FNDC3B: variants seen among roughly 807,000 people sequenced by gnomAD.
FNDC3B encodes the protein fibronectin type III domain-containing protein 3B.
In FNDC3B, 12 loss-of-function variants were observed where a neutral mutation model predicts 151.5. The observed-to-expected ratio is 0.08, with a 90% CI of 0.05 to 0.13. The LOEUF is 0.13. FNDC3B is among the 10% of genes least tolerant of loss of function. FNDC3B has a pLI of 1.00. For synonymous variants in FNDC3B, 528 were observed against 549.0 expected, an observed-to-expected ratio of 0.96 and a Z score of 0.54; for missense variants, 1,214 against 1,505.3, an observed-to-expected ratio of 0.81 and a Z score of 3.20.
chr3:172,191,045 C>T (rs1278029595), intron 3 of FNDC3B, among the ~76,000 whole-genome samples: 3 of 152,194 alleles, frequency 2.0e-5, no homozygotes, highest in African/African-American at 4.8e-5. Flanking sequence ...TCTTATTTCA[C>T]ATCTAAAATC....
rs545072222 is a variant in FNDC3B, at chr3:172,398,713, C to T, written c.*1238C>T. 6.6e-6 allele frequency: 1 copy of T among 152,176 alleles called. No homozygotes were observed. Among genetic ancestry groups the T allele is most frequent in the African/African-American group, 2.4e-5 (1 of 41,434 alleles). 9.4% of individuals were successfully genotyped at this position (152,176 alleles called of 1,614,324 possible). A position where few individuals can be genotyped will look rare whatever the true frequency, so the allele number is the denominator to read the frequency against. On this transcript the variant is annotated 3_prime_UTR_variant, in exon 26 of 26. Transcript: ENST00000415807. The stretch of plus-strand genomic sequence containing the variant: ...CTTGCTGCGTGACCTGAACACGTCA[C>T]TTTACCTCTCTGTGCCTCAGTTTTC...
In FNDC3B at chr3:172,343,060, G is replaced by A; in HGVS notation, c.2021G>A (p.Cys674Tyr). The A allele has an allele frequency of 6.2e-7, 1 of 1,613,658 alleles. No individual in the cohort carries two copies. Among genetic ancestry groups the A allele is most frequent in the Non-Finnish European group, 8.5e-7 (1 of 1,179,752 alleles). Residue 674 changes from cysteine to tyrosine, a missense_variant, in exon 18 of 26, where the codon TGT (cysteine) becomes TAT (tyrosine). This residue lies in a region of FNDC3B where 380 missense variants were observed against 420.9 expected (regional missense o/e 0.90). Transcript: ENST00000415807. ...ACACTAAGCATTGCACCAGGTCAAT[G>A]TCGACCACCGAGGGTTTTGGGTAGA... ...VRTLSIAPGQ[C>Y]RPPRVLGRPK...
At chr3:172,174,949 T>C (rs1723499807) in intron 3 of FNDC3B, among the ~76,000 whole-genome samples, 1 of 17,228 alleles carries the variant, frequency 5.8e-5, no homozygotes. Flanking sequence ...CCCCCCCCAA[T>C]ACAATTTGCT....
At chr3:172,059,961 A>G (rs563927016) in intron 1 of FNDC3B, among the ~76,000 whole-genome samples, 1 of 152,372 alleles carries the variant, frequency 6.6e-6, no homozygotes, top group Non-Finnish European at 1.5e-5. Context: ...GCATCTTTAG[A>G]TCTAAATCTT....
chr3:172,217,148 A>G (rs1255691488), intron 3 of FNDC3B, among the ~76,000 whole-genome samples: 1 of 152,224 alleles, frequency 6.6e-6, no homozygotes. Context: ...CATCCTGCAC[A>G]AGGTCTGGCA....
At chr3:172,148,985 T>A (rs1156999157) in intron 3 of FNDC3B, among the ~76,000 whole-genome samples, 1 of 152,234 alleles carries the variant, frequency 6.6e-6, no homozygotes, top group Non-Finnish European at 1.5e-5. Context: ...TAGAGCAGAC[T>A]TTGAAGAAAA....
chr3:172,179,048 C>T (rs1560003802), intron 3 of FNDC3B, among the ~76,000 whole-genome samples: 1 of 152,008 alleles, frequency 6.6e-6, no homozygotes, highest in Non-Finnish European at 1.5e-5. Context: ...GCCCCTTTAT[C>T]TTATTTATTT....
At chr3:172,384,273 C>T (rs1438623725) in intron 25 of FNDC3B, among the ~76,000 whole-genome samples, 1 of 152,132 alleles carries the variant, frequency 6.6e-6, no homozygotes, top group Admixed American at 6.5e-5. Flanking sequence ...ATGATGTCAC[C>T]AAAGTTTCCA....
At chr3:172,095,410 G>A (rs542414320) in intron 1 of FNDC3B, among the ~76,000 whole-genome samples, 6 of 152,272 alleles carry the variant, frequency 3.9e-5, no homozygotes, top group South Asian at 4.1e-4. Flanking sequence ...GCCCATTGGC[G>A]CCACTGGGCC....
chr3:172,290,553 G>A (rs1015877937), intron 7 of FNDC3B, among the ~76,000 whole-genome samples: 2 of 152,162 alleles, frequency 1.3e-5, no homozygotes, highest in African/African-American at 4.8e-5. Flanking sequence ...TTTATTTTCA[G>A]GATATAAATA....
At chr3:172,365,643 A>T (rs1324817608) in intron 23 of FNDC3B, among the ~76,000 whole-genome samples, 1 of 152,166 alleles carries the variant, frequency 6.6e-6, no homozygotes, top group African/African-American at 2.4e-5. Flanking sequence ...ATTCTGGCTT[A>T]CAATACTGAA....
chr3:172,203,188 C>G lies in FNDC3B; in HGVS notation c.188-23683C>G, dbSNP rs142391503. 4.1e-3 allele frequency among the ~76,000 whole-genome samples: 624 copies of G among 152,304 alleles called. 3 individuals carry two copies. Among genetic ancestry groups the G allele is most frequent in the African/African-American group, 0.014 (591 of 41,558 alleles). Reference sequence around the variant, plus strand: ...ACTCTAACATCCTGGAGGACATTGTCTCTCTCCCTGCCCCCCTTCCCCTGT... The same window carrying G: ...ACTCTAACATCCTGGAGGACATTGTGTCTCTCCCTGCCCCCCTTCCCCTGT... On this transcript the variant is annotated intron_variant, in intron 3 of 25. Transcript: ENST00000415807.
chr3:172,369,913 C>G (rs373164780), intron 23 of FNDC3B, among the ~76,000 whole-genome samples: 3 of 151,552 alleles, frequency 2.0e-5, no homozygotes, highest in East Asian at 3.9e-4. Flanking sequence ...CTCTTTCTCT[C>G]TCTCATTCAT....
At chr3:172,062,312 CT>C (rs1335162325) in intron 1 of FNDC3B, among the ~76,000 whole-genome samples, 1 of 151,456 alleles carries the variant, frequency 6.6e-6, no homozygotes, top group African/African-American at 2.4e-5. Context: ...TTTTCTCCTC[CT>C]TCTTTTTTTT....
intron 13 of FNDC3B, among the ~76,000 whole-genome samples, chr3:172,332,755 A>G (rs970229315): frequency 6.6e-6 from 1 of 152,228 alleles, no homozygotes; most frequent in Non-Finnish European, 1.5e-5. Flanking sequence ...AGCACATTGC[A>G]GTTTGATAGT....
At chr3:172,388,640 C>T (rs1429433382) in intron 25 of FNDC3B, among the ~76,000 whole-genome samples, 1 of 152,106 alleles carries the variant, frequency 6.6e-6, no homozygotes, top group Non-Finnish European at 1.5e-5. Context: ...GCAGGCCTGG[C>T]GACATGGTGA....
In FNDC3B at chr3:172,182,824, G is replaced by C. The variant is rs188230882; in HGVS notation, c.188-44047G>C. Among the ~76,000 whole-genome samples the C allele has an allele frequency of 1.6e-3, 247 of 152,348 alleles. 2 individuals carry two copies. Among genetic ancestry groups the C allele is most frequent in the Non-Finnish European group, 3.0e-3 (202 of 68,042 alleles). Reference sequence around the variant, plus strand: ...TGTAATGAACTTGAGGTGTGTGAATGAGAAATGGAGATGAAGTGTTTTATT... The same window carrying C: ...TGTAATGAACTTGAGGTGTGTGAATCAGAAATGGAGATGAAGTGTTTTATT... On this transcript the variant is annotated intron_variant, in intron 3 of 25. Coordinates refer to ENST00000415807, the MANE Select transcript of FNDC3B (RefSeq NM_022763.4).
intron 3 of FNDC3B, among the ~76,000 whole-genome samples, chr3:172,188,971 T>C (rs1400447708): frequency 2.6e-5 from 4 of 152,210 alleles, no homozygotes; most frequent in Non-Finnish European, 4.4e-5. Flanking sequence ...CTTGGGTGTT[T>C]TCCTCACTAT....
intron 16 of FNDC3B, among the ~76,000 whole-genome samples, chr3:172,340,412 A>G (rs932743281): frequency 1.3e-5 from 2 of 151,666 alleles, no homozygotes; most frequent in Non-Finnish European, 2.9e-5. Flanking sequence ...CAGCCTCCCA[A>G]GTAGCTGTGA....
Sources: gnomAD v4.1 joint callset for allele counts (sites outside exome capture counted in the v4.1 genomes callset) on GRCh38, gnomAD v4.1.1 for gene constraint, gnomAD v4.1.1 regional missense constraint, MANE v1.5 for transcripts, NCBI Gene and HGNC (gene_info 2026-07-23, HGNC 2026-07-21) for gene names.